KCNMA1: variants seen among roughly 807,000 people sequenced by gnomAD.
KCNMA1 encodes Calcium-activated potassium channel subunit alpha-1.
A neutral mutation model predicts 140.0 loss-of-function variants in KCNMA1; 29 were observed. That is an observed-to-expected ratio of 0.21 (90% confidence interval 0.15 to 0.28). KCNMA1 has a LOEUF of 0.28. KCNMA1 is among the 10% of genes least tolerant of loss of function. The pLI, the probability that KCNMA1 is intolerant of heterozygous loss-of-function variation, is 1.00. For missense variants in KCNMA1, 880 were observed against 1,602.2 expected (o/e 0.55, Z 7.70); for synonymous variants, 612 against 611.9 (o/e 1.00, Z 0.00).
chr10:76,930,487 G>A (rs67021737), intron 23 of KCNMA1, among the ~76,000 whole-genome samples: 6,138 of 152,246 alleles, frequency 0.04, 199 homozygotes, highest in East Asian at 0.079. Flanking sequence ...TGTTGGTGAG[G>A]TTGGAGAGAA....
intron 9 of KCNMA1, among the ~76,000 whole-genome samples, chr10:77,095,075 A>G (rs1238874924): frequency 1.3e-5 from 2 of 152,214 alleles, no homozygotes; most frequent in Non-Finnish European, 2.9e-5. Flanking sequence ...GATAATAAGA[A>G]TCTTAATGAT....
chr10:77,247,271 G>A (rs1471996476), intron 3 of KCNMA1, among the ~76,000 whole-genome samples: 1 of 152,154 alleles, frequency 6.6e-6, no homozygotes, highest in Non-Finnish European at 1.5e-5. Context: ...AGAGCTCTGG[G>A]CCTCTGTCTC....
intron 1 of KCNMA1, among the ~76,000 whole-genome samples, chr10:77,406,766 C>T (rs1160610203): frequency 6.6e-6 from 1 of 152,090 alleles, no homozygotes; most frequent in African/African-American, 2.4e-5. Flanking sequence ...GCAGGGAGAT[C>T]GTCCCACATC....
At chr10:77,289,637 C>A (rs2072443370) in intron 2 of KCNMA1, among the ~76,000 whole-genome samples, 1 of 152,192 alleles carries the variant, frequency 6.6e-6, no homozygotes, top group Non-Finnish European at 1.5e-5. Flanking sequence ...GAGTACTTCA[C>A]AAGTGCCTGG....
intron 1 of KCNMA1, among the ~76,000 whole-genome samples, chr10:77,470,348 T>C (rs1432748863): frequency 6.6e-6 from 1 of 152,102 alleles, no homozygotes; most frequent in African/African-American, 2.4e-5. Context: ...AACGTGTCAC[T>C]AAAGCTGCTT....
chr10:77,334,259 C>T (rs537723688), intron 2 of KCNMA1, among the ~76,000 whole-genome samples: 2 of 152,120 alleles, frequency 1.3e-5, no homozygotes, highest in African/African-American at 4.8e-5. Context: ...GTTCACTGAG[C>T]ATTTTGTGGG....
intron 2 of KCNMA1, among the ~76,000 whole-genome samples, chr10:77,276,221 G>C (rs2154289736): frequency 1.3e-5 from 2 of 152,312 alleles, no homozygotes; most frequent in East Asian, 3.9e-4. Flanking sequence ...CAGGAGCTGA[G>C]ACCATCCTTC....
chr10:77,143,193 T>C (rs1182048699), intron 5 of KCNMA1, among the ~76,000 whole-genome samples: 1 of 151,762 alleles, frequency 6.6e-6, no homozygotes, highest in East Asian at 1.9e-4. Flanking sequence ...GTCAAATGAA[T>C]CCAGCAGTAT....
At chr10:77,382,214 G>C (rs1432984211) in intron 2 of KCNMA1, among the ~76,000 whole-genome samples, 1 of 152,060 alleles carries the variant, frequency 6.6e-6, no homozygotes, top group African/African-American at 2.4e-5. Flanking sequence ...CATGTGAAGG[G>C]AGGTTCTGAA....
intron 1 of KCNMA1, among the ~76,000 whole-genome samples, chr10:77,595,469 T>A (rs2080627795): frequency 6.6e-6 from 1 of 151,966 alleles, no homozygotes; most frequent in Non-Finnish European, 1.5e-5. Flanking sequence ...GCACATGGAC[T>A]TCGGGGCCCC....
intron 6 of KCNMA1, among the ~76,000 whole-genome samples, chr10:77,113,485 A>G (rs1180759022): frequency 6.6e-6 from 1 of 151,688 alleles, no homozygotes; most frequent in Non-Finnish European, 1.5e-5. Flanking sequence ...ATTTTTTGAG[A>G]CGAGGTCTGA....
At chr10:77,495,943 G>A (rs761478212) in intron 1 of KCNMA1, among the ~76,000 whole-genome samples, 1 of 152,180 alleles carries the variant, frequency 6.6e-6, no homozygotes, top group East Asian at 1.9e-4. Context: ...GTCTTCCTGT[G>A]TGGAAGCTCA....
intron 2 of KCNMA1, among the ~76,000 whole-genome samples, chr10:77,341,840 T>C (rs1174948812): frequency 2.6e-5 from 4 of 152,224 alleles, no homozygotes; most frequent in Non-Finnish European, 4.4e-5. Context: ...ACCCCAGGAT[T>C]CCTTGGCAGA....
chr10:77,223,037 G>A (rs2050179161), intron 3 of KCNMA1, among the ~76,000 whole-genome samples: 1 of 152,048 alleles, frequency 6.6e-6, no homozygotes, highest in East Asian at 1.9e-4. Flanking sequence ...AGACCAGCCT[G>A]GCCAACATGG....
chr10:76,879,209 C>T (rs368584545), intron 29 of KCNMA1, among the ~76,000 whole-genome samples: 22 of 152,200 alleles, frequency 1.4e-4, no homozygotes, highest in African/African-American at 5.1e-4. Context: ...GTTTCAAGTG[C>T]CCTGAGCTGT....
At chr10:76,952,260 C>T in intron 21 of KCNMA1, 1 of 1,330,690 alleles carries the variant, frequency 7.5e-7, no homozygotes, top group Non-Finnish European at 1.0e-6. Flanking sequence ...GTGACTCACG[C>T]CTGTAATCCC....
intron 17 of KCNMA1, among the ~76,000 whole-genome samples, chr10:77,013,287 G>A (rs1409379376): frequency 4.6e-5 from 7 of 152,148 alleles, no homozygotes; most frequent in Non-Finnish European, 1.0e-4. Context: ...AAACTGAGGA[G>A]GTTGTCGTGG....
At chr10:77,386,643 G>T (rs533926099) in intron 2 of KCNMA1, among the ~76,000 whole-genome samples, 1 of 152,164 alleles carries the variant, frequency 6.6e-6, no homozygotes, top group Admixed American at 6.5e-5. Context: ...AGTTTTCCTT[G>T]TTATTTATCT....
chr10:77,376,781 T>C (rs1480238334), intron 2 of KCNMA1, among the ~76,000 whole-genome samples: 1 of 151,458 alleles, frequency 6.6e-6, no homozygotes, highest in Non-Finnish European at 1.5e-5. Flanking sequence ...CTACTAAAAA[T>C]ACAAAAATTA....
Sources: allele counts gnomAD v4.1 joint callset (sites outside exome capture counted in the v4.1 genomes callset), GRCh38; gene constraint gnomAD v4.1.1; transcripts MANE v1.5; gene names NCBI Gene and HGNC (gene_info 2026-07-23, HGNC 2026-07-21).